Variants in CSMD1 observed in about 807,000 individuals in gnomAD.
CSMD1 encodes the protein CUB and Sushi multiple domains 1.
CSMD1 carries 213 observed loss-of-function variants against 417.5 expected under a neutral mutation model. The observed-to-expected ratio is 0.51, with a 90% CI of 0.46 to 0.57. The LOEUF (loss-of-function observed/expected upper bound fraction) is 0.57. CSMD1 is among the 20% of genes least tolerant of loss of function. CSMD1 has a pLI of 0.00. For missense variants in CSMD1, 6,923 were observed against 4,529.7 expected, an observed-to-expected ratio of 1.53 and a Z score of -15.17; for synonymous variants, 2,862 against 1,736.8, an observed-to-expected ratio of 1.65 and a Z score of -16.11.
intron 3 of CSMD1, among the ~76,000 whole-genome samples, chr8:4,406,539 G>A (rs758555413): frequency 3.9e-5 from 6 of 152,160 alleles, no homozygotes; most frequent in Non-Finnish European, 8.8e-5. Flanking sequence ...TAAGAAGTTT[G>A]AGGAGCACAG....
rs1257992819 is a variant in CSMD1, at chr8:3,162,215, G to A, written c.5788C>T (p.Arg1930Trp). 11 of 1,611,510 alleles carry A rather than the reference G, an allele frequency of 6.8e-6. No homozygotes were observed. Among genetic ancestry groups the A allele is most frequent in the Admixed American group, 1.7e-5 (1 of 59,782 alleles). ...LPSNSIKIGD[R>W]YMVNDVLSFQ... ...GAGAGCACGTCGTTCACCATGTACC[G>A]ATCTCCGATTTTGATGCTGTTGCTG... Residue 1930 changes from arginine (R) to tryptophan (W), a missense_variant, in exon 38 of 70, where the codon CGG (arginine) becomes TGG (tryptophan). Transcript: ENST00000635120.
chr8:3,005,724 C>T (rs1293152898), intron 52 of CSMD1, among the ~76,000 whole-genome samples: 4 of 151,726 alleles, frequency 2.6e-5, no homozygotes, highest in Admixed American at 6.6e-5. Flanking sequence ...TTCAACAACG[C>T]TTCATGCTAA....
At chr8:3,676,420 G>A (rs1657973418) in intron 7 of CSMD1, among the ~76,000 whole-genome samples, 1 of 152,176 alleles carries the variant, frequency 6.6e-6, no homozygotes, top group South Asian at 2.1e-4. Flanking sequence ...ACACGCCACA[G>A]GCACCCGATA....
chr8:3,178,419 G>C (rs1046731001), intron 37 of CSMD1, among the ~76,000 whole-genome samples: 8 of 151,750 alleles, frequency 5.3e-5, no homozygotes, highest in African/African-American at 1.9e-4. Context: ...ATTTTTCAGA[G>C]AGCACTGACC....
At chr8:4,423,159 C>G (rs547372394) in intron 2 of CSMD1, among the ~76,000 whole-genome samples, 5 of 152,128 alleles carry the variant, frequency 3.3e-5, no homozygotes, top group Admixed American at 6.6e-5. Flanking sequence ...TTGAACAAGT[C>G]AAGAATGCTT....
intron 10 of CSMD1, among the ~76,000 whole-genome samples, chr8:3,548,272 C>T (rs1045536610): frequency 6.6e-6 from 1 of 152,102 alleles, no homozygotes; most frequent in Non-Finnish European, 1.5e-5. Context: ...TAGCCCTTGT[C>T]TATTTTAAAA....
At chr8:4,818,571 A>G (rs1203818606) in intron 1 of CSMD1, among the ~76,000 whole-genome samples, 1 of 152,192 alleles carries the variant, frequency 6.6e-6, no homozygotes, top group Non-Finnish European at 1.5e-5. Flanking sequence ...ATGTGCACAT[A>G]TATTTCCCTG....
intron 49 of CSMD1, among the ~76,000 whole-genome samples, chr8:3,062,416 C>A (rs773423007): frequency 6.6e-6 from 1 of 151,862 alleles, no homozygotes; most frequent in South Asian, 2.1e-4. Context: ...GGAGTAAACA[C>A]CAGCAACAGA....
rs188969163 is a variant in CSMD1, at chr8:4,805,801, A to T, written c.86-168243T>A. 6.6e-5 allele frequency among the ~76,000 whole-genome samples: 10 copies of T among 152,286 alleles called. No homozygotes were observed. In the East Asian group the frequency reaches 1.7e-3, roughly 26 times the overall value. ...ATTCAGGGTGAACACGTTGAGATGA[A>T]ATGTGGTCCTGGAACATGGAAAACT... On this transcript the variant is annotated intron_variant, in intron 1 of 69. Coordinates refer to ENST00000635120, the MANE Select transcript of CSMD1 (RefSeq NM_033225.6).
chr8:4,447,301 T>C (rs1318659555), intron 2 of CSMD1, among the ~76,000 whole-genome samples: 2 of 152,194 alleles, frequency 1.3e-5, no homozygotes, highest in East Asian at 3.9e-4. Flanking sequence ...CAGACCGTGA[T>C]CATTATTATT....
intron 65 of CSMD1, among the ~76,000 whole-genome samples, chr8:2,952,816 C>A (rs981079419): frequency 2.0e-5 from 3 of 152,124 alleles, no homozygotes; most frequent in South Asian, 2.1e-4. Flanking sequence ...GGGTAAGATA[C>A]AACCAATGTC....
At chr8:4,750,437 G>C (rs975975703) in intron 1 of CSMD1, among the ~76,000 whole-genome samples, 3 of 152,138 alleles carry the variant, frequency 2.0e-5, no homozygotes, top group Admixed American at 6.5e-5. Flanking sequence ...AAATGGTTTA[G>C]AAAACCTTGG....
At position 4,359,538 on chromosome 8, in the gene CSMD1, C is replaced by T. The variant is rs557912946; in HGVS notation, c.415+60415G>A. Among the ~76,000 whole-genome samples the T allele has an allele frequency of 3.0e-4, 45 of 152,336 alleles. 1 individual carries two copies. The highest frequency in any genetic ancestry group is 1.1e-3 in the African/African-American group (44 of 41,568). On this transcript the variant is annotated intron_variant, in intron 3 of 69. Coordinates refer to ENST00000635120, the MANE Select transcript of CSMD1 (RefSeq NM_033225.6). Reference sequence around the variant, plus strand: ...CCTTGCAAATAGAGATGTCTCCTTCCAATCCTCTTGCGCAGAAGAGCCCTG... The same window carrying T: ...CCTTGCAAATAGAGATGTCTCCTTCTAATCCTCTTGCGCAGAAGAGCCCTG...
At position 2,936,860 on chromosome 8, in the gene CSMD1, A is replaced by G. The variant is rs779385770; in HGVS notation, c.*1725T>C. On this transcript the variant is annotated 3_prime_UTR_variant, in exon 70 of 70. Coordinates refer to ENST00000635120, the MANE Select transcript of CSMD1 (RefSeq NM_033225.6). The stretch of plus-strand genomic sequence containing the variant: ...AAACCTTCAGTACACCAACAGATAA[A>G]TCAGTCTTAAAGCTAGGTGTCAATG... 3.3e-5 allele frequency: 5 copies of G among 152,164 alleles called. No homozygotes were observed. The highest frequency in any genetic ancestry group is 7.3e-5 in the Non-Finnish European group (5 of 68,028). 9.4% of individuals were successfully genotyped at this position (152,164 alleles called of 1,614,324 possible).
chr8:3,756,937 A>G (rs1797691957), intron 5 of CSMD1, among the ~76,000 whole-genome samples: 1 of 152,068 alleles, frequency 6.6e-6, no homozygotes, highest in Admixed American at 6.6e-5. Flanking sequence ...CTAGAGCTAT[A>G]TGTGCACACC....
intron 25 of CSMD1, among the ~76,000 whole-genome samples, chr8:3,295,730 T>A (rs529171648): frequency 2.6e-5 from 4 of 152,162 alleles, no homozygotes; most frequent in Admixed American, 2.6e-4. Flanking sequence ...TAGGAATACC[T>A]GATTACCGTC....
intron 12 of CSMD1, among the ~76,000 whole-genome samples, chr8:3,444,137 C>T (rs975234256): frequency 1.3e-5 from 2 of 152,086 alleles, no homozygotes; most frequent in African/African-American, 4.8e-5. Context: ...AACAAGAAAT[C>T]AAGCAGTGAT....
intron 5 of CSMD1, among the ~76,000 whole-genome samples, chr8:3,835,041 T>C (rs1288636779): frequency 6.6e-6 from 1 of 151,938 alleles, no homozygotes; most frequent in Non-Finnish European, 1.5e-5. Flanking sequence ...CCAGTTAGAA[T>C]GGCGATCATT....
intron 10 of CSMD1, among the ~76,000 whole-genome samples, chr8:3,507,765 G>A (rs1343277252): frequency 6.6e-6 from 1 of 152,140 alleles, no homozygotes; most frequent in Non-Finnish European, 1.5e-5. Flanking sequence ...GTGATGATGA[G>A]CATTTTTTCA....
Sources: allele counts gnomAD v4.1 joint callset (sites outside exome capture counted in the v4.1 genomes callset), GRCh38; gene constraint gnomAD v4.1.1; transcripts MANE v1.5; gene names NCBI Gene and HGNC (gene_info 2026-07-23, HGNC 2026-07-21).